PPP2R5B: variants seen among roughly 807,000 people sequenced by gnomAD.
The protein encoded by PPP2R5B is protein phosphatase 2 regulatory subunit B'beta.
A neutral mutation model predicts 59.9 loss-of-function variants in PPP2R5B; 19 were observed. The ratio of observed to expected loss-of-function variants is 0.32; its 90% CI spans 0.22 to 0.47. The LOEUF is 0.47. Among genes scored for constraint, PPP2R5B ranks in the 20% least tolerant of loss-of-function variants. The pLI, the probability that PPP2R5B is intolerant of heterozygous loss-of-function variation, is 1.00. For missense variants in PPP2R5B, 441 were observed against 640.2 expected (o/e 0.69, Z 3.36); for synonymous variants, 286 against 260.5 (o/e 1.10, Z -0.94).
At chr11:64,930,005 T>C (rs1269121121) in intron 6 of PPP2R5B, among the ~76,000 whole-genome samples, 3 of 152,224 alleles carry the variant, frequency 2.0e-5, no homozygotes. Context: ...AAGCCCCATC[T>C]CCCTGGATAA....
upstream of PPP2R5B, among the ~76,000 whole-genome samples, chr11:64,919,801 G>A (rs77574495): frequency 6.6e-5 from 10 of 152,158 alleles, no homozygotes; most frequent in East Asian, 1.5e-3. Context: ...GTTACTTTAC[G>A]TGCACGATCT....
chr11:64,930,423 A>AG (rs752292632), intron 7 of PPP2R5B, 42 bp downstream of exon 7: 1 of 1,613,662 alleles, frequency 6.2e-7, no homozygotes, highest in East Asian at 2.2e-5. Context: ...GGATTCTGGA[A>AG]GGAGGGACTG....
In PPP2R5B at chr11:64,925,866, C is replaced by T; in HGVS notation, c.132C>T (p.Ser44=). 6.2e-7 allele frequency: 1 copy of T among 1,611,996 alleles called. No homozygotes were observed. The highest frequency in any genetic ancestry group is 1.3e-5 in the African/African-American group (1 of 74,998). The change falls in exon 2 of 14, where the codon TCC becomes TCT. Residue 44 remains serine, a synonymous_variant. Transcript: ENST00000164133. This position sits in a 1 kb window ranked among gnomAD's most constrained non-coding sequence, Gnocchi z 4.6. The part of the protein sequence containing the change: ...RSLRRARPRR[S]HSSSQFRYQS... ...TCCGCAGAGCCCGGCCCCGCCGCTC[C>T]CACAGCTCCTCTCAGTTCCGCTATC... is the stretch of plus-strand genomic sequence containing the variant.
chr11:64,926,023 AAGAG>A lies in PPP2R5B; in HGVS notation c.199+97_199+100del, dbSNP rs999066219. The A allele has an allele frequency of 1.7e-5, 23 of 1,338,716 alleles. No homozygotes were observed. In the East Asian group the frequency reaches 3.2e-4, roughly 19 times the overall value. The allele number at this position is 1,338,716 out of a possible 1,614,324, so 82.9% of individuals were successfully genotyped here. ...GGGTGGGAGGCAGCGGGCAGCTGCC[AAGAG>A]AGAGAGTTTGGATACCCCTCCAGGC... On this transcript the variant is annotated intron_variant, in intron 2 of 13. Transcript: ENST00000164133.
chr11:64,925,750 C>A lies in PPP2R5B; in HGVS notation c.16C>A (p.Pro6Thr). Residue 6 changes from proline (P) to threonine (T), a missense_variant, in exon 2 of 14, where the codon CCC (proline) becomes ACC (threonine). Pro to Thr is a conservative substitution (Grantham distance 38, BLOSUM62 -1). Coordinates refer to ENST00000164133, the MANE Select transcript of PPP2R5B (RefSeq NM_006244.4). This position sits in a 1 kb window ranked among gnomAD's most constrained non-coding sequence, Gnocchi z 4.6. ...CCTGACCGCCATGGAGACGAAGCTG[C>A]CCCCTGCAAGCACCCCCACTAGCCC... METKL[P>T]PASTPTSPSS... The A allele has an allele frequency of 1.3e-6, 2 of 1,589,938 alleles. No homozygotes were observed. Among genetic ancestry groups the A allele is most frequent in the Non-Finnish European group, 8.6e-7 (1 of 1,164,764 alleles).
In PPP2R5B at chr11:64,925,098, G is replaced by A. The variant is rs1034897950; in HGVS notation, c.-265+70G>A. The A allele has an allele frequency of 3.3e-5, 5 of 152,498 alleles. No homozygotes were observed. The highest frequency in any genetic ancestry group is 1.2e-4 in the African/African-American group (5 of 41,456). 9.4% of individuals were successfully genotyped at this position (152,498 alleles called of 1,614,324 possible). A position where few individuals can be genotyped will look rare whatever the true frequency, so the allele number is the denominator to read the frequency against. The stretch of plus-strand genomic sequence containing the variant: ...GAGCTGAGGTGGGGGAGGGTGCCAG[G>A]TTCTAGGAGCGGGGTGGCATCGGGA... On this transcript the variant is annotated intron_variant, in intron 1 of 13. Coordinates refer to ENST00000164133, the MANE Select transcript of PPP2R5B (RefSeq NM_006244.4). The surrounding 1 kb of genome is among the most constrained non-coding windows in gnomAD (Gnocchi z 4.6).
chr11:64,928,061 C>G lies in PPP2R5B; in HGVS notation c.499-5C>G. 6.2e-7 allele frequency: 1 copy of G among 1,614,080 alleles called. No individual in the cohort carries two copies. The highest frequency in any genetic ancestry group is 1.1e-5 in the South Asian group (1 of 91,076). On this transcript the variant is annotated splice_region_variant and splice_polypyrimidine_tract_variant and intron_variant, in intron 4 of 13. Transcript: ENST00000164133. ...CTCACCTTTTTGTCTGTCCCCCTCC[C>G]CCAGCTGGTATATGAGTTTTTCCTG...
intron 12 of PPP2R5B, 122 bp from the exon 13 acceptor site, chr11:64,933,023 A>C: frequency 6.7e-7 from 1 of 1,502,210 alleles, no homozygotes; most frequent in Non-Finnish European, 9.2e-7. Flanking sequence ...GGGTGGTGAA[A>C]AGGACAGGAA....
chr11:64,926,587 G>A (rs1945166081), intron 2 of PPP2R5B, 125 bp from the exon 3 acceptor site: 2 of 994,284 alleles, frequency 2.0e-6, no homozygotes, highest in East Asian at 2.5e-5. Context: ...AGCAGGAGAT[G>A]GCACAAGAGC....
At position 64,925,899 on chromosome 11, in the gene PPP2R5B, C is replaced by T. The variant is rs1048984816; in HGVS notation, c.165C>T (p.Asn55=). The change falls in exon 2 of 14, where the codon AAC becomes AAT. Residue 55 remains asparagine, a synonymous_variant. Transcript: ENST00000164133. This position sits in a 1 kb window ranked among gnomAD's most constrained non-coding sequence, Gnocchi z 4.6. ...HSSSQFRYQS[N]QQELTPLPLL... ...CCTCTCAGTTCCGCTATCAGAGCAA[C>T]CAGCAAGAGCTCACACCGCTGCCCC... The T allele has an allele frequency of 6.8e-6, 11 of 1,611,950 alleles. No individual in the cohort carries two copies. Among genetic ancestry groups the T allele is most frequent in the Non-Finnish European group, 9.3e-6 (11 of 1,179,902 alleles).
At position 64,931,789 on chromosome 11, in the gene PPP2R5B, T is replaced by C. The variant is rs371550514; in HGVS notation, c.1037T>C (p.Ile346Thr). The C allele has an allele frequency of 1.2e-6, 2 of 1,613,762 alleles. No individual in the cohort carries two copies. The highest frequency in any genetic ancestry group is 1.7e-5 in the Admixed American group (1 of 59,986). The part of the protein sequence containing the change: ...LGEMEEILDV[I>T]EPSQFVKIQE... ...GAGATGGAAGAGATTCTTGATGTCA[T>C]CGAGCCCTCCCAGTTTGTGAAGATC... is the stretch of plus-strand genomic sequence containing the variant. The change falls in exon 11 of 14, where the codon ATC becomes ACC. Residue 346 changes from isoleucine (I) to threonine (T), a missense_variant. By Grantham distance (89) the Ile-to-Thr change is moderately conservative. This residue lies in a region of PPP2R5B where 268 missense variants were observed against 488.1 expected (regional missense o/e 0.55). Transcript: ENST00000164133. This position sits in a 1 kb window ranked among gnomAD's most constrained non-coding sequence, Gnocchi z 5.0.
chr11:64,922,815 C>T (rs1302071691), upstream of PPP2R5B, among the ~76,000 whole-genome samples: 1 of 151,034 alleles, frequency 6.6e-6, no homozygotes, highest in Non-Finnish European at 1.5e-5. Context: ...GCGGAGCTTG[C>T]AGTGAGCCGA....
Position 64,930,603 on chromosome 11 carries a change from C to T in PPP2R5B, c.891+14C>T. Reference sequence around the variant, plus strand: ...TTCCATGCCCAGGTGAGGCCCAGGCCTGTCCCTGCTGCAGCAGGAGCTCCA... The same window carrying T: ...TTCCATGCCCAGGTGAGGCCCAGGCTTGTCCCTGCTGCAGCAGGAGCTCCA... On this transcript the variant is annotated intron_variant, in intron 8 of 13. Transcript: ENST00000164133. 1 of 1,605,580 alleles carries T rather than the reference C, an allele frequency of 6.2e-7. No homozygotes were observed. Among genetic ancestry groups the T allele is most frequent in the Non-Finnish European group, 8.5e-7 (1 of 1,172,272 alleles).
At chr11:64,928,539 G>GTT in intron 6 of PPP2R5B, 114 bp downstream of exon 6, 4 of 1,486,100 alleles carry the variant, frequency 2.7e-6, no homozygotes, top group Non-Finnish European at 3.7e-6. Flanking sequence ...CACTTTGGGA[G>GTT]GCCGAGGTGG....
In PPP2R5B at chr11:64,932,776, G is replaced by T; in HGVS notation, c.1128G>T (p.Arg376=). ...VSSPHFQVAE[R]ALYFWNNEYI... Reference sequence around the variant, plus strand: ...CTTGTCTGCCCCAGGTTGCAGAGCGGGCTCTGTATTTCTGGAACAATGAGT... The same window carrying T: ...CTTGTCTGCCCCAGGTTGCAGAGCGTGCTCTGTATTTCTGGAACAATGAGT... The change falls in exon 12 of 14, where the codon CGG becomes CGT. Residue 376 remains arginine (R), a synonymous_variant. Coordinates refer to ENST00000164133, the MANE Select transcript of PPP2R5B (RefSeq NM_006244.4). 1.9e-6 allele frequency: 3 copies of T among 1,613,828 alleles called. No individual in the cohort carries two copies. Among genetic ancestry groups the T allele is most frequent in the Non-Finnish European group, 1.7e-6 (2 of 1,179,888 alleles).
chr11:64,919,201 A>T (rs916337195), intron 1 of PPP2R5B, among the ~76,000 whole-genome samples: 5 of 152,036 alleles, frequency 3.3e-5, no homozygotes, highest in African/African-American at 9.7e-5. Context: ...AAATTAGCAG[A>T]GTGTGATGGC....
At chr11:64,932,971 C>T in intron 12 of PPP2R5B, 79 bp downstream of exon 12, 1 of 1,576,032 alleles carries the variant, frequency 6.3e-7, no homozygotes, top group Non-Finnish European at 8.7e-7. Flanking sequence ...AGGGTTACTC[C>T]TAGCTGGAGA....
chr11:64,931,490 G>C lies in PPP2R5B; in HGVS notation c.945+1G>C. 6.2e-7 allele frequency: 1 copy of C among 1,614,092 alleles called. No individual in the cohort carries two copies. The highest frequency in any genetic ancestry group is 8.5e-7 in the Non-Finnish European group (1 of 1,179,974). ...GAAGGATGCCACTCTGACAGAGCAC[G>C]TGAGTACCTCTGGGGGCTAAGGCAG... On this transcript the variant is annotated splice_donor_variant, in intron 9 of 13. Transcript: ENST00000164133. LOFTEE classifies it high-confidence loss of function. The surrounding 1 kb of genome is among the most constrained non-coding windows in gnomAD (Gnocchi z 5.0).
rs533593259 is a variant in PPP2R5B, at chr11:64,934,400, AG to A, written c.*563del. On this transcript the variant is annotated 3_prime_UTR_variant, in exon 14 of 14. Transcript: ENST00000164133. ...AAGAGATTCACAGTGTCCTGGGGTA[AG>A]GGGGGGTTCACAGTAATCATGGTCT... The A allele has an allele frequency of 6.0e-5, 21 of 349,262 alleles. No individual in the cohort carries two copies. Among genetic ancestry groups the A allele is most frequent in the East Asian group, 1.4e-4 (2 of 14,154 alleles). The allele number at this position is 349,262 out of a possible 1,614,324, so 21.6% of individuals were successfully genotyped here.
Sources: gnomAD v4.1 joint callset for allele counts (sites outside exome capture counted in the v4.1 genomes callset) on GRCh38, gnomAD v4.1.1 for gene constraint, gnomAD v4.1.1 regional missense constraint, Gnocchi (gnomAD v3.1) non-coding constraint, MANE v1.5 for transcripts, NCBI Gene and HGNC (gene_info 2026-07-23, HGNC 2026-07-21) for gene names.